EYS: variants seen among roughly 807,000 people sequenced by gnomAD.
EYS encodes the protein protein eyes shut homolog.
In EYS, 250 loss-of-function variants were observed where a neutral mutation model predicts 282.1. That is an observed-to-expected ratio of 0.89 (90% confidence interval 0.80 to 0.98). The LOEUF is 0.98. Ranked by LOEUF, EYS falls within the 50% of genes least tolerant of loss-of-function variation. The pLI is 0.00. For synonymous variants in EYS, 1,355 were observed against 1,282.9 expected (o/e 1.06, Z -1.20); for missense variants, 4,016 against 3,709.0 (o/e 1.08, Z -2.15).
intron 31 of EYS, among the ~76,000 whole-genome samples, chr6:64,146,753 A>T (rs1774531012): frequency 1.3e-5 from 2 of 152,144 alleles, no homozygotes; most frequent in Non-Finnish European, 2.9e-5. Context: ...ACCATGGGAG[A>T]TGGCCCTAAA....
chr6:64,688,796 G>C (rs551209103), intron 22 of EYS, among the ~76,000 whole-genome samples: 137 of 152,176 alleles, frequency 9.0e-4, no homozygotes, highest in Non-Finnish European at 1.4e-3. Flanking sequence ...TTTCTGTCTC[G>C]TGGATATGTC....
intron 22 of EYS, among the ~76,000 whole-genome samples, chr6:64,662,383 T>TA (rs1037423717): frequency 1.3e-5 from 2 of 152,060 alleles, no homozygotes; most frequent in African/African-American, 4.8e-5. Flanking sequence ...TAAAGTATAA[T>TA]AAAAAAAGAT....
intron 22 of EYS, among the ~76,000 whole-genome samples, chr6:64,727,353 A>G (rs1771790095): frequency 2.0e-5 from 3 of 152,164 alleles, no homozygotes; most frequent in Non-Finnish European, 4.4e-5. Context: ...TGGTACTTAA[A>G]AAATTTATTA....
chr6:64,097,494 A>G lies in EYS; in HGVS notation c.6425-15492T>C, dbSNP rs568875673. On this transcript the variant is annotated intron_variant, in intron 31 of 42. Transcript: ENST00000503581. ...AGCCTCGCTTCTACCTTGCAGTTTG[A>G]TCTCAGACTGCTGTGCTAGCAATGA... Among the ~76,000 whole-genome samples, 3 of 152,110 alleles carry G rather than the reference A, an allele frequency of 2.0e-5. No individual in the cohort carries two copies. In the South Asian group the frequency reaches 6.2e-4, roughly 32 times the overall value.
chr6:64,647,197 C>T (rs906401569), intron 22 of EYS, among the ~76,000 whole-genome samples: 2 of 152,070 alleles, frequency 1.3e-5, no homozygotes, highest in African/African-American at 4.8e-5. Flanking sequence ...CATATCATGC[C>T]TATTTTTATG....
intron 12 of EYS, among the ~76,000 whole-genome samples, chr6:65,120,459 G>GCAAAAAAAAAA (rs1775505752): frequency 9.0e-5 from 1 of 11,150 alleles, no homozygotes; most frequent in African/African-American, 4.1e-4. Context: ...CTTTAAATAA[G>GCAAAAAAAAAA]CAAAAAAAAA....
At chr6:65,670,553 G>C (rs1360794343) in intron 1 of EYS, among the ~76,000 whole-genome samples, 1 of 152,014 alleles carries the variant, frequency 6.6e-6, no homozygotes, top group Non-Finnish European at 1.5e-5. Flanking sequence ...GTTAGTCTAA[G>C]TTTCTGGGTT....
chr6:63,969,956 C>T (rs758882477), intron 35 of EYS, among the ~76,000 whole-genome samples: 3 of 152,176 alleles, frequency 2.0e-5, no homozygotes, highest in Non-Finnish European at 4.4e-5. Context: ...GCAACTGAGA[C>T]CCTGTCCTGA....
intron 31 of EYS, among the ~76,000 whole-genome samples, chr6:64,089,982 T>C (rs1174541643): frequency 6.6e-6 from 1 of 152,148 alleles, no homozygotes; most frequent in Non-Finnish European, 1.5e-5. Context: ...CTGATTTCTC[T>C]GTTAACAGTT....
chr6:65,400,617 T>C (rs910882666), intron 7 of EYS, among the ~76,000 whole-genome samples: 2 of 151,988 alleles, frequency 1.3e-5, no homozygotes, highest in African/African-American at 4.8e-5. Flanking sequence ...TCTAACTGTA[T>C]TGCTTTAAGT....
intron 31 of EYS, among the ~76,000 whole-genome samples, chr6:64,097,736 G>A (rs1343621994): frequency 2.0e-5 from 3 of 152,104 alleles, no homozygotes; most frequent in South Asian, 2.1e-4. Context: ...TTTGGCTGAC[G>A]CTCGGTACAC....
chr6:64,897,057 C>A (rs943627632), intron 18 of EYS, among the ~76,000 whole-genome samples: 9 of 152,170 alleles, frequency 5.9e-5, no homozygotes, highest in South Asian at 2.1e-4. Context: ...TTCCTGCTTG[C>A]CAGCTCTGAA....
At chr6:63,785,531 C>T (rs187652318) in intron 39 of EYS, among the ~76,000 whole-genome samples, 40 of 152,090 alleles carry the variant, frequency 2.6e-4, no homozygotes, top group African/African-American at 3.9e-4. Flanking sequence ...TAAGGCACAG[C>T]GTATTTGGCA....
chr6:65,145,046 C>G (rs190442593), intron 12 of EYS, among the ~76,000 whole-genome samples: 1 of 152,144 alleles, frequency 6.6e-6, no homozygotes, highest in Non-Finnish European at 1.5e-5. Flanking sequence ...GCTGAGATTA[C>G]AGGCATGAGC....
chr6:65,007,396 C>T (rs537964578), intron 13 of EYS, among the ~76,000 whole-genome samples: 1 of 152,310 alleles, frequency 6.6e-6, no homozygotes, highest in South Asian at 2.1e-4. Flanking sequence ...TATTCTTCTG[C>T]AGTACCGCCT....
intron 22 of EYS, among the ~76,000 whole-genome samples, chr6:64,703,389 AC>A: frequency 1.9e-4 from 5 of 25,766 alleles, no homozygotes; most frequent in African/African-American, 5.3e-4. Flanking sequence ...ACAGACACAC[AC>A]ACACACACAC....
At chr6:65,460,826 T>C (rs1365722824) in intron 5 of EYS, among the ~76,000 whole-genome samples, 1 of 152,064 alleles carries the variant, frequency 6.6e-6, no homozygotes, top group African/African-American at 2.4e-5. Context: ...ATTATTAAAT[T>C]GAAAAACTAT....
At chr6:64,651,971 C>A (rs1322434211) in intron 22 of EYS, among the ~76,000 whole-genome samples, 1 of 152,188 alleles carries the variant, frequency 6.6e-6, no homozygotes, top group Non-Finnish European at 1.5e-5. Flanking sequence ...CATACACTGG[C>A]ATACAGGCAC....
At chr6:65,447,623 T>G (rs2150399281) in intron 5 of EYS, among the ~76,000 whole-genome samples, 1 of 152,012 alleles carries the variant, frequency 6.6e-6, no homozygotes, top group South Asian at 2.1e-4. Flanking sequence ...TAGATTTCAA[T>G]GTGCTAGAGT....
Sources: allele counts gnomAD v4.1 joint callset (sites outside exome capture counted in the v4.1 genomes callset), GRCh38; gene constraint gnomAD v4.1.1; transcripts MANE v1.5; gene names NCBI Gene and HGNC (gene_info 2026-07-23, HGNC 2026-07-21).